The following PCDH7 variants were observed in gnomAD, a reference collection of about 807,000 sequenced individuals.
PCDH7 encodes protocadherin-7.
PCDH7 carries 17 observed loss-of-function variants against 58.9 expected under a neutral mutation model. That is an observed-to-expected ratio of 0.29 (90% confidence interval 0.20 to 0.43). The LOEUF is 0.43. Ranked by LOEUF, PCDH7 falls within the 20% of genes least tolerant of loss-of-function variation. The pLI is 1.00. For synonymous variants in PCDH7, 664 were observed against 616.4 expected, an observed-to-expected ratio of 1.08 and a Z score of -1.14; for missense variants, 1,274 against 1,441.0, an observed-to-expected ratio of 0.88 and a Z score of 1.88.
intron 1 of PCDH7, among the ~76,000 whole-genome samples, chr4:30,841,511 T>C (rs1188099466): frequency 6.6e-6 from 1 of 152,140 alleles, no homozygotes; most frequent in Non-Finnish European, 1.5e-5. Flanking sequence ...ATCTAAAGCA[T>C]TACCCTCCAG....
At chr4:30,852,898 A>G (rs894688671) in intron 1 of PCDH7, among the ~76,000 whole-genome samples, 4 of 151,508 alleles carry the variant, frequency 2.6e-5, no homozygotes, top group African/African-American at 9.7e-5. Flanking sequence ...TGAACAGCAG[A>G]GAATTCCTTG....
At chr4:31,045,472 A>G (rs1756204883) in intron 3 of PCDH7, among the ~76,000 whole-genome samples, 1 of 152,052 alleles carries the variant, frequency 6.6e-6, no homozygotes, top group Non-Finnish European at 1.5e-5. Context: ...AGAGATTCAC[A>G]CTTACACTGG....
At chr4:30,926,682 G>T (rs1274771659) in intron 2 of PCDH7, among the ~76,000 whole-genome samples, 1 of 152,122 alleles carries the variant, frequency 6.6e-6, no homozygotes, top group African/African-American at 2.4e-5. Flanking sequence ...ATATAGCAAG[G>T]ACCTAAAATG....
intron 1 of PCDH7, among the ~76,000 whole-genome samples, chr4:30,786,473 C>A (rs1723414914): frequency 6.6e-6 from 1 of 152,056 alleles, no homozygotes; most frequent in Non-Finnish European, 1.5e-5. Context: ...TTATACCATG[C>A]AAACATCTCT....
intron 3 of PCDH7, among the ~76,000 whole-genome samples, chr4:30,964,688 C>G (rs1748841087): frequency 6.7e-6 from 1 of 149,000 alleles, no homozygotes. Context: ...CTTTGGACAA[C>G]AGAAGTAGAA....
chr4:31,030,950 T>G (rs1754860413), intron 3 of PCDH7, among the ~76,000 whole-genome samples: 1 of 152,164 alleles, frequency 6.6e-6, no homozygotes, highest in South Asian at 2.1e-4. Context: ...CCAAGAAAGC[T>G]CTCTTGAAGA....
At chr4:30,754,190 T>TGTGTG (rs1255362154) in intron 1 of PCDH7, among the ~76,000 whole-genome samples, 8 of 126,766 alleles carry the variant, frequency 6.3e-5, no homozygotes, top group South Asian at 2.5e-4. Context: ...GTGTGTGTGT[T>TGTGTG]TTTTCTGGAG....
At chr4:31,019,489 A>T (rs1753859178) in intron 3 of PCDH7, among the ~76,000 whole-genome samples, 1 of 151,952 alleles carries the variant, frequency 6.6e-6, no homozygotes, top group Non-Finnish European at 1.5e-5. Context: ...GGATCATCTG[A>T]GGTCAAGAGT....
At chr4:30,896,206 G>C (rs950620626) in intron 1 of PCDH7, among the ~76,000 whole-genome samples, 3 of 152,140 alleles carry the variant, frequency 2.0e-5, no homozygotes, top group Non-Finnish European at 2.9e-5. Flanking sequence ...TGTGTCTAGA[G>C]AGCATATAAT....
chr4:30,840,186 G>C (rs1731030716), intron 1 of PCDH7, among the ~76,000 whole-genome samples: 1 of 151,824 alleles, frequency 6.6e-6, no homozygotes, highest in South Asian at 2.1e-4. Context: ...TGCCTGCTAG[G>C]ATTTCTGTGC....
chr4:31,139,453 A>C (rs1719994709), intron 3 of PCDH7, among the ~76,000 whole-genome samples: 1 of 152,200 alleles, frequency 6.6e-6, no homozygotes, highest in Non-Finnish European at 1.5e-5. Context: ...AAGACTAAGA[A>C]GAGTTACTAA....
chr4:31,073,301 TAAAC>T (rs1758705573), intron 3 of PCDH7, among the ~76,000 whole-genome samples: 1 of 152,114 alleles, frequency 6.6e-6, no homozygotes, highest in East Asian at 1.9e-4. Flanking sequence ...CACACATAAA[TAAAC>T]AAAATAGATT....
At chr4:31,005,399 C>T (rs1234693559) in intron 3 of PCDH7, among the ~76,000 whole-genome samples, 6 of 152,074 alleles carry the variant, frequency 3.9e-5, no homozygotes, top group African/African-American at 1.4e-4. Flanking sequence ...CTGGTGAACA[C>T]ATAAGGAATC....
At chr4:30,757,640 T>C (rs1719483198) in intron 1 of PCDH7, among the ~76,000 whole-genome samples, 1 of 152,216 alleles carries the variant, frequency 6.6e-6, no homozygotes, top group African/African-American at 2.4e-5. Context: ...TCACTTCCTA[T>C]GCAATGCTTT....
intron 1 of PCDH7, among the ~76,000 whole-genome samples, chr4:30,775,956 G>A (rs1259658722): frequency 2.6e-5 from 4 of 152,122 alleles, no homozygotes; most frequent in Admixed American, 2.0e-4. Flanking sequence ...GTCTACAAGT[G>A]TAACGCTTGG....
intron 3 of PCDH7, among the ~76,000 whole-genome samples, chr4:31,000,622 C>T (rs1454108568): frequency 1.3e-5 from 2 of 151,958 alleles, no homozygotes; most frequent in Non-Finnish European, 2.9e-5. Flanking sequence ...ACCCATTCAT[C>T]GCTTTCTTTA....
chr4:30,986,267 G>A (rs544624031), intron 3 of PCDH7, among the ~76,000 whole-genome samples: 41 of 152,074 alleles, frequency 2.7e-4, no homozygotes, highest in African/African-American at 9.6e-4. Flanking sequence ...AACTGCTGAT[G>A]ACATTAATAT....
At chr4:31,007,472 G>T (rs541448062) in intron 3 of PCDH7, among the ~76,000 whole-genome samples, 8 of 152,088 alleles carry the variant, frequency 5.3e-5, no homozygotes, top group African/African-American at 1.4e-4. Flanking sequence ...TAGCATAAAA[G>T]AATACATTAT....
At chr4:30,785,152 A>G (rs1031256051) in intron 1 of PCDH7, among the ~76,000 whole-genome samples, 1 of 152,100 alleles carries the variant, frequency 6.6e-6, no homozygotes, top group African/African-American at 2.4e-5. Flanking sequence ...AATAGTTGAT[A>G]ACTGCTATGG....
Sources: allele counts gnomAD v4.1 joint callset (sites outside exome capture counted in the v4.1 genomes callset), GRCh38; gene constraint gnomAD v4.1.1; transcripts MANE v1.5; gene names NCBI Gene and HGNC (gene_info 2026-07-23, HGNC 2026-07-21).